The following CAPN11 variants were observed in gnomAD, a reference collection of about 807,000 sequenced individuals.
CAPN11 encodes the protein calpain-11.
CAPN11 carries 108 observed loss-of-function variants against 105.3 expected under a neutral mutation model. The observed-to-expected ratio is 1.03, with a 90% confidence interval of 0.88 to 1.20. The LOEUF is 1.20. CAPN11 is among the 50% of genes most tolerant of loss of function. The pLI is 0.00. For missense variants in CAPN11, 883 were observed against 924.8 expected, an observed-to-expected ratio of 0.95 and a Z score of 0.59; for synonymous variants, 329 against 344.5, an observed-to-expected ratio of 0.96 and a Z score of 0.50.
chr6:44,161,197 T>TTTTG (rs1189270011), intron 1 of CAPN11, among the ~76,000 whole-genome samples: 5 of 151,620 alleles, frequency 3.3e-5, no homozygotes, highest in Admixed American at 2.0e-4. Context: ...TTTTTGGTGT[T>TTTTG]TTTGTTTGTT....
chr6:44,183,382 C>T, intron 21 of CAPN11, 147 bp downstream of exon 21: 1 of 634,852 alleles, frequency 1.6e-6, no homozygotes. Context: ...CCGCCACTTG[C>T]TGGCAGAGGT....
intron 9 of CAPN11, 81 bp from the exon 10 acceptor site, chr6:44,176,500 G>A (rs1772042145): frequency 1.4e-6 from 2 of 1,403,830 alleles, no homozygotes; most frequent in Non-Finnish European, 2.0e-6. Context: ...CAGACATTCA[G>A]GGAAGAGGCA....
intron 11 of CAPN11, 21 bp downstream of exon 11, chr6:44,177,019 G>A: frequency 5.0e-6 from 8 of 1,609,056 alleles, no homozygotes; most frequent in Non-Finnish European, 6.8e-6. Flanking sequence ...GGTGAGAGGG[G>A]AGGGGGTGTG....
Position 44,181,286 on chromosome 6 carries a change from T to G in CAPN11, c.1904T>G (p.Phe635Cys), listed in dbSNP as rs746123207. ...TCTGGCAAGCTGGGGCTTCTAGAGT[T>G]CAAGATCCTGTGGAAAAAACTCAAG... is the stretch of plus-strand genomic sequence containing the variant. ...DGSGKLGLLE[F>C]KILWKKLKKW... Residue 635 changes from phenylalanine (F) to cysteine (C), a missense_variant, in exon 19 of 23, where the codon TTC becomes TGC. Transcript: ENST00000398776. 29 of 1,613,398 alleles carry G rather than the reference T, an allele frequency of 1.8e-5. No homozygotes were observed. The East Asian group carries it at 6.5e-4, about 36-fold the overall frequency.
chr6:44,176,564 G>A lies in CAPN11; in HGVS notation c.1002-17G>A, dbSNP rs780275509. The A allele has an allele frequency of 6.8e-6, 11 of 1,610,518 alleles. No individual in the cohort carries two copies. The East Asian group carries it at 8.9e-5, about 13-fold the overall frequency. On this transcript the variant is annotated splice_polypyrimidine_tract_variant and intron_variant, in intron 9 of 22. Transcript: ENST00000398776. ...TGACCTCCGCCCCTCTCCTTCCACCGCCCATCTCTGCTCCAGTGCCAGGGA... is the reference window on the plus strand; with the variant it reads ...TGACCTCCGCCCCTCTCCTTCCACCACCCATCTCTGCTCCAGTGCCAGGGA...
rs70993439 is a variant in CAPN11 at position 44,182,285 on chromosome 6, CCACA to C, written c.1939-632_1939-629del. Among the ~76,000 whole-genome samples, 98 of 59,394 alleles carry C rather than the reference CCACA, an allele frequency of 1.6e-3. 11 individuals carry two copies. Among genetic ancestry groups the C allele is most frequent in the South Asian group, 0.016 (32 of 1,950 alleles). The allele number at this position is 59,394 out of a possible 152,430, so 39.0% of individuals were successfully genotyped here. The stretch of plus-strand genomic sequence containing the variant: ...ACACACACATACAGACACAACCACA[CCACA>C]CACACACACACACACACACACACTC... On this transcript the variant is annotated intron_variant, in intron 19 of 22. Transcript: ENST00000398776.
rs761775138 is a variant in CAPN11 at position 44,169,266 on chromosome 6, T to C, written c.89-15T>C. On this transcript the variant is annotated splice_polypyrimidine_tract_variant and intron_variant, in intron 2 of 22. Coordinates refer to ENST00000398776, the MANE Select transcript of CAPN11 (RefSeq NM_007058.4). ...TTTTTTACTTGCGTTATTTCTCTTT[T>C]TTTTTCTTAAGCAGAGCCCACTTTT... The C allele has an allele frequency of 8.8e-6, 14 of 1,590,038 alleles. No individual in the cohort carries two copies. Among genetic ancestry groups the C allele is most frequent in the Non-Finnish European group, 1.1e-5 (13 of 1,168,876 alleles).
At chr6:44,177,140 G>C in intron 11 of CAPN11, 102 bp from the exon 12 acceptor site, 1 of 1,466,998 alleles carries the variant, frequency 6.8e-7, no homozygotes, top group Non-Finnish European at 9.2e-7. Context: ...AGCCCCTGTG[G>C]AGGAGACAGC....
At position 44,177,230 on chromosome 6, in the gene CAPN11, C is replaced by T; in HGVS notation, c.1238-12C>T. On this transcript the variant is annotated splice_polypyrimidine_tract_variant and intron_variant, in intron 11 of 22. Coordinates refer to ENST00000398776, the MANE Select transcript of CAPN11 (RefSeq NM_007058.4). ...GCCCCCGTATAACCACGCTGACCCA[C>T]TTCCGCCACAGGCACGTTCTGGACC... 1 of 1,565,956 alleles carries T rather than the reference C, an allele frequency of 6.4e-7. No individual in the cohort carries two copies. Among genetic ancestry groups the T allele is most frequent in the Non-Finnish European group, 8.7e-7 (1 of 1,154,372 alleles).
chr6:44,169,582 T>C (rs1219872916), intron 3 of CAPN11, 51 bp downstream of exon 3: 1 of 1,470,688 alleles, frequency 6.8e-7, no homozygotes, highest in African/African-American at 1.4e-5. Flanking sequence ...GAGCTTGTAG[T>C]GATCCCTCTA....
chr6:44,160,507 C>T (rs1229320159), intron 1 of CAPN11, among the ~76,000 whole-genome samples: 1 of 152,054 alleles, frequency 6.6e-6, no homozygotes, highest in African/African-American at 2.4e-5. Flanking sequence ...GTCCCAGCTA[C>T]TCGGGAGGCT....
intron 1 of CAPN11, among the ~76,000 whole-genome samples, chr6:44,162,113 G>A (rs559365711): frequency 6.6e-6 from 1 of 151,768 alleles, no homozygotes; most frequent in Non-Finnish European, 1.5e-5. Flanking sequence ...GTTCCCTGGG[G>A]GCCGTAATCA....
chr6:44,166,704 G>C (rs1190877478), intron 1 of CAPN11, 54 bp from the exon 2 acceptor site: 2 of 1,383,006 alleles, frequency 1.4e-6, no homozygotes, highest in Non-Finnish European at 2.0e-6. Context: ...GCTGGGCTCT[G>C]TTTAACTTTA....
intron 4 of CAPN11, 56 bp from the exon 5 acceptor site, chr6:44,172,246 C>T: frequency 8.3e-7 from 1 of 1,202,058 alleles, no homozygotes; most frequent in Non-Finnish European, 1.2e-6. Flanking sequence ...GATTCTGAGG[C>T]CCACCCACAC....
At chr6:44,161,260 C>T (rs1427641482) in intron 1 of CAPN11, among the ~76,000 whole-genome samples, 1 of 151,308 alleles carries the variant, frequency 6.6e-6, no homozygotes, top group Non-Finnish European at 1.5e-5. Flanking sequence ...AGTGCAGTGG[C>T]CCAACCTTGG....
At chr6:44,160,050 CT>C (rs1248676986) in intron 1 of CAPN11, among the ~76,000 whole-genome samples, 1 of 151,906 alleles carries the variant, frequency 6.6e-6, no homozygotes, top group Non-Finnish European at 1.5e-5. Flanking sequence ...AGGAGAATCT[CT>C]TGAACCCAGC....
chr6:44,161,913 C>T (rs887593407), intron 1 of CAPN11: 17 of 455,996 alleles, frequency 3.7e-5, no homozygotes, highest in Middle Eastern at 3.2e-4. Context: ...TTAGATGATT[C>T]GCTCAACCCA....
In CAPN11 at chr6:44,177,306, C is replaced by T. The variant is rs369599500; in HGVS notation, c.1302C>T (p.Asp434=). ...CTGAGGGGGATGACCCAGAGGATGA[C>T]GCAGAGGGCAATGTTGTGGTCTGCA... ...SLPEGDDPED[D]AEGNVVVCTC... The change falls in exon 12 of 23, where the codon GAC becomes GAT. Residue 434 remains aspartate (D), a synonymous_variant. Coordinates refer to ENST00000398776, the MANE Select transcript of CAPN11 (RefSeq NM_007058.4). The T allele has an allele frequency of 1.9e-5, 30 of 1,613,410 alleles. No individual in the cohort carries two copies. The highest frequency in any genetic ancestry group is 2.7e-5 in the African/African-American group (2 of 74,902).
In CAPN11 at chr6:44,162,368, G is replaced by GACACACAC. The variant is rs57009949; in HGVS notation, c.16+3539_16+3546dup. ...CCCCCTCACAGTCTCTTTGAATAAAGACACACACACACACACACACACACA... is the reference window on the plus strand; with the variant it reads ...CCCCCTCACAGTCTCTTTGAATAAAGACACACACACACACACACACACACACACACACA... On this transcript the variant is annotated intron_variant, in intron 1 of 22. Coordinates refer to ENST00000398776, the MANE Select transcript of CAPN11 (RefSeq NM_007058.4). 4.7e-3 allele frequency among the ~76,000 whole-genome samples: 646 copies of GACACACAC among 138,734 alleles called. 2 individuals are homozygous for GACACACAC. Among genetic ancestry groups the GACACACAC allele is most frequent in the African/African-American group, 8.4e-3 (310 of 37,024 alleles). The allele number at this position is 138,734 out of a possible 152,430, so 91.0% of individuals were successfully genotyped here.
Sources: gnomAD v4.1 joint callset for allele counts (sites outside exome capture counted in the v4.1 genomes callset) on GRCh38, gnomAD v4.1.1 for gene constraint, MANE v1.5 for transcripts, NCBI Gene and HGNC (gene_info 2026-07-23, HGNC 2026-07-21) for gene names.